The following MANEA variants were observed in gnomAD, a reference collection of about 807,000 sequenced individuals.
MANEA encodes the protein glycoprotein endo-alpha-1,2-mannosidase.
Under a neutral mutation model 36.8 loss-of-function variants are expected in MANEA, and 25 were observed. The ratio of observed to expected loss-of-function variants is 0.68; its 90% CI spans 0.50 to 0.95. The LOEUF is 0.95. MANEA is among the 40% of genes least tolerant of loss of function. MANEA has a pLI of 0.00. For synonymous variants in MANEA, 198 were observed against 188.5 expected (o/e 1.05, Z -0.41); for missense variants, 565 against 558.8 (o/e 1.01, Z -0.11).
In MANEA at chr6:95,606,330, G is replaced by T. The variant is rs771064180; in HGVS notation, c.1314G>T (p.Leu438=). The change falls in exon 5 of 5, where the codon CTG becomes CTT. Residue 438 remains leucine, a synonymous_variant. Coordinates refer to ENST00000358812, the MANE Select transcript of MANEA (RefSeq NM_024641.4). ...RPHKPGLYLE[L]TRKWSEKYSK... ...ATAAACCAGGTCTTTACCTAGAACT[G>T]ACTCGCAAGTGGTCTGAAAAATACA... 15 of 1,609,840 alleles carry T rather than the reference G, an allele frequency of 9.3e-6. No homozygotes were observed. Among genetic ancestry groups the T allele is most frequent in the Non-Finnish European group, 1.0e-5 (12 of 1,179,850 alleles).
At chr6:95,599,582 A>T (rs1324918232) in intron 3 of MANEA, among the ~76,000 whole-genome samples, 4 of 152,208 alleles carry the variant, frequency 2.6e-5, no homozygotes, top group Non-Finnish European at 5.9e-5. Flanking sequence ...TGAGCCCTGT[A>T]AGATATGTTA....
At chr6:95,587,457 G>A (rs1562196649) in intron 2 of MANEA, 1 of 158,248 alleles carries the variant, frequency 6.3e-6, no homozygotes, top group Non-Finnish European at 1.4e-5. Context: ...AGCTGGATCT[G>A]ATTTCTATCA....
In MANEA at chr6:95,605,923, C is replaced by A. The variant is rs1769701038; in HGVS notation, c.907C>A (p.Leu303Met). 6.2e-7 allele frequency: 1 copy of A among 1,613,794 alleles called. No individual in the cohort carries two copies. The highest frequency in any genetic ancestry group is 1.3e-5 in the African/African-American group (1 of 74,846). The change falls in exon 5 of 5, where the codon CTG (leucine) becomes ATG (methionine). Residue 303 changes from leucine (L) to methionine (M), a missense_variant. Physicochemically the swap from Leu to Met is conservative, Grantham distance 15 (BLOSUM62 2). Coordinates refer to ENST00000358812, the MANE Select transcript of MANEA (RefSeq NM_024641.4). ...TTATGATGGACTGTTTATTGCCCTTCTGGTAGAAGAAAAACATAAGTATGA... is the reference window on the plus strand; with the variant it reads ...TTATGATGGACTGTTTATTGCCCTTATGGTAGAAGAAAAACATAAGTATGA... Reference protein sequence around the residue: ...SPYDGLFIALLVEEKHKYDIL... With the variant: ...SPYDGLFIALMVEEKHKYDIL...
At chr6:95,596,088 C>G (rs1769476248) in intron 2 of MANEA, among the ~76,000 whole-genome samples, 1 of 152,022 alleles carries the variant, frequency 6.6e-6, no homozygotes, top group Non-Finnish European at 1.5e-5. Flanking sequence ...GAAGCCAGTT[C>G]TAAAAAGCTA....
At chr6:95,596,663 CT>C in intron 2 of MANEA, 73 bp from the exon 3 acceptor site, 1 of 787,260 alleles carries the variant, frequency 1.3e-6, no homozygotes, top group Non-Finnish European at 2.2e-6. Context: ...CTCTTTGGTA[CT>C]TACTGTGCCT....
In MANEA at chr6:95,577,602, G is replaced by A. The variant is rs2127935607; in HGVS notation, c.-75G>A. ...TGTTCGCGGTCTTAACCTCTCCTCT[G>A]GCCGAGTCCTTGCAAGAAGTGAATT... On this transcript the variant is annotated 5_prime_UTR_variant, in exon 1 of 5. Transcript: ENST00000358812. 6.6e-6 allele frequency: 1 copy of A among 152,438 alleles called. No individual in the cohort carries two copies. Among genetic ancestry groups the A allele is most frequent in the East Asian group, 1.9e-4 (1 of 5,162 alleles). The allele number at this position is 152,438 out of a possible 1,614,324, so 9.4% of individuals were successfully genotyped here.
intron 3 of MANEA, among the ~76,000 whole-genome samples, chr6:95,597,688 C>G (rs1582227413): frequency 6.6e-6 from 1 of 151,860 alleles, no homozygotes; most frequent in Non-Finnish European, 1.5e-5. Context: ...TTGAGAATAA[C>G]TCTGAAATTT....
intron 2 of MANEA, among the ~76,000 whole-genome samples, chr6:95,588,058 A>G (rs1442864827): frequency 2.0e-5 from 3 of 152,008 alleles, no homozygotes; most frequent in Non-Finnish European, 4.4e-5. Context: ...TGGCACTCCA[A>G]TTACATATAT....
chr6:95,605,714 A>C, intron 4 of MANEA, 34 bp from the exon 5 acceptor site: 38 of 1,459,306 alleles, frequency 2.6e-5, no homozygotes, highest in Middle Eastern at 1.8e-4. Flanking sequence ...AGTTGTGAAT[A>C]TTCATTTCAC....
intron 1 of MANEA, among the ~76,000 whole-genome samples, chr6:95,580,219 C>CAT (rs146691044): frequency 7.9e-4 from 119 of 151,426 alleles, no homozygotes; most frequent in South Asian, 6.3e-3. Context: ...CACAGATATA[C>CAT]ATATATATAT....
At chr6:95,599,995 G>C (rs959867011) in intron 3 of MANEA, among the ~76,000 whole-genome samples, 5 of 152,160 alleles carry the variant, frequency 3.3e-5, no homozygotes, top group Non-Finnish European at 7.3e-5. Context: ...TTTCTGTCCA[G>C]GCCCTGCCAA....
At chr6:95,589,259 C>G (rs1386407986) in intron 2 of MANEA, among the ~76,000 whole-genome samples, 1 of 152,124 alleles carries the variant, frequency 6.6e-6, no homozygotes, top group Non-Finnish European at 1.5e-5. Flanking sequence ...CATGCTGACT[C>G]AGGCATTCTT....
intron 2 of MANEA, 36 bp downstream of exon 2, chr6:95,587,019 CTG>C (rs200988008): frequency 0.067 from 78,736 of 1,181,168 alleles, 3,180 homozygotes; most frequent in Non-Finnish European, 0.081. Context: ...GTGTTTGTGT[CTG>C]TATATATGCA....
intron 1 of MANEA, among the ~76,000 whole-genome samples, chr6:95,580,317 G>GACACAT (rs1351305041): frequency 6.6e-6 from 1 of 151,974 alleles, no homozygotes; most frequent in Non-Finnish European, 1.5e-5. Flanking sequence ...AACACTATGT[G>GACACAT]AAAGATATGT....
intron 3 of MANEA, among the ~76,000 whole-genome samples, chr6:95,603,871 C>T (rs1769645714): frequency 6.6e-6 from 1 of 151,846 alleles, no homozygotes; most frequent in Admixed American, 6.6e-5. Flanking sequence ...TATTTTTTAC[C>T]TTACTAGTTA....
intron 3 of MANEA, among the ~76,000 whole-genome samples, chr6:95,599,442 G>A (rs572321730): frequency 1.0e-3 from 157 of 151,190 alleles, no homozygotes; most frequent in African/African-American, 3.5e-3. Flanking sequence ...AGTGATGTAG[G>A]TTCTTTTAAC....
chr6:95,604,098 G>A (rs1769658803), intron 3 of MANEA, among the ~76,000 whole-genome samples: 1 of 149,454 alleles, frequency 6.7e-6, no homozygotes, highest in African/African-American at 2.5e-5. Context: ...GTGTGTGTAT[G>A]GGATATCCAA....
At chr6:95,591,743 G>A (rs1455079416) in intron 2 of MANEA, among the ~76,000 whole-genome samples, 3 of 152,124 alleles carry the variant, frequency 2.0e-5, no homozygotes, top group Admixed American at 2.0e-4. Context: ...TGTCGCCCAG[G>A]CTGGAGTGCA....
At chr6:95,586,251 T>C (rs1170952875) in intron 1 of MANEA, among the ~76,000 whole-genome samples, 151 bp from the exon 2 acceptor site, 1 of 152,218 alleles carries the variant, frequency 6.6e-6, no homozygotes, top group Non-Finnish European at 1.5e-5. Context: ...ATATAATTAA[T>C]GTCTTCACTT....
Sources: gnomAD v4.1 joint callset for allele counts (sites outside exome capture counted in the v4.1 genomes callset) on GRCh38, gnomAD v4.1.1 for gene constraint, MANE v1.5 for transcripts, NCBI Gene and HGNC (gene_info 2026-07-23, HGNC 2026-07-21) for gene names.